Variants in KCNK10 observed in about 807,000 individuals in gnomAD.
The protein encoded by KCNK10 is potassium two pore domain channel subfamily K member 10.
KCNK10 carries 25 observed loss-of-function variants against 47.7 expected under a neutral mutation model. The ratio of observed to expected loss-of-function variants is 0.52; its 90% CI spans 0.38 to 0.73. The LOEUF (loss-of-function observed/expected upper bound fraction) is 0.73. KCNK10 is among the 30% of genes least tolerant of loss of function. The pLI is 0.00. For synonymous variants in KCNK10, 303 were observed against 285.6 expected (o/e 1.06, Z -0.61); for missense variants, 563 against 714.5 (o/e 0.79, Z 2.42).
At position 88,180,782 on chromosome 14, in the gene KCNK10, A is replaced by C; in HGVS notation, c.*4753T>G. On this transcript the variant is annotated 3_prime_UTR_variant, in exon 7 of 7. Transcript: ENST00000319231. ...ACATGGAGTATGGATGGGTTGGTGA[A>C]GTCCAATGAAGGTATGGTGCAGAGA... 5.0e-6 allele frequency: 2 copies of C among 398,802 alleles called. No homozygotes were observed. Among genetic ancestry groups the C allele is most frequent in the Non-Finnish European group, 8.8e-6 (2 of 226,070 alleles). 24.7% of individuals were successfully genotyped at this position (398,802 alleles called of 1,614,324 possible). A position where few individuals can be genotyped will look rare whatever the true frequency, so the allele number is the denominator to read the frequency against.
intron 4 of KCNK10, among the ~76,000 whole-genome samples, chr14:88,226,071 G>A (rs1885974610): frequency 6.6e-6 from 1 of 152,236 alleles, no homozygotes; most frequent in Admixed American, 6.5e-5. Context: ...CTCTTGGAGA[G>A]AAACACAGAA....
chr14:88,227,495 G>C lies in KCNK10; in HGVS notation c.561C>G (p.Ile187Met), dbSNP rs1332035872. 6.2e-7 allele frequency: 1 copy of C among 1,612,878 alleles called. No individual in the cohort carries two copies. Among genetic ancestry groups the C allele is most frequent in the South Asian group, 1.1e-5 (1 of 90,780 alleles). Reference sequence around the variant, plus strand: ...CAAAGATGGCATATAAAATACAAAAGATTTTGCCTCCTTCAGTGCTCGGAG... The same window carrying C: ...CAAAGATGGCATATAAAATACAAAACATTTTGCCTCCTTCAGTGCTCGGAG... Reference protein sequence around the residue: ...NIAPSTEGGKIFCILYAIFGI... With the variant: ...NIAPSTEGGKMFCILYAIFGI... The change falls in exon 4 of 7, where the codon ATC (isoleucine) becomes ATG (methionine). Residue 187 changes from isoleucine (I) to methionine (M), a missense_variant. Ile to Met is a conservative substitution (Grantham distance 10). Coordinates refer to ENST00000319231, the MANE Select transcript of KCNK10 (RefSeq NM_138317.3).
At chr14:88,241,523 C>T (rs547555328) in intron 2 of KCNK10, among the ~76,000 whole-genome samples, 1 of 152,108 alleles carries the variant, frequency 6.6e-6, no homozygotes, top group Non-Finnish European at 1.5e-5. Flanking sequence ...ACACATCGCT[C>T]TTTTTAAAAA....
intron 2 of KCNK10, among the ~76,000 whole-genome samples, chr14:88,261,199 T>C (rs1309930214): frequency 1.3e-5 from 2 of 152,234 alleles, no homozygotes; most frequent in South Asian, 2.1e-4. Context: ...TTCTTCAAGA[T>C]CTTACTGCCT....
chr14:88,281,626 C>G (rs545213683), intron 1 of KCNK10, among the ~76,000 whole-genome samples: 1 of 151,952 alleles, frequency 6.6e-6, no homozygotes, highest in Non-Finnish European at 1.5e-5. Flanking sequence ...ACTATCAGCT[C>G]TCCTGGGTCG....
At chr14:88,212,935 G>A (rs374991028) in intron 4 of KCNK10, among the ~76,000 whole-genome samples, 60 of 152,326 alleles carry the variant, frequency 3.9e-4, no homozygotes, top group African/African-American at 1.3e-3. Flanking sequence ...CTCAGCATGG[G>A]GCTGCACATG....
In KCNK10 at chr14:88,322,890, A is replaced by G. The variant is rs1473273056; in HGVS notation, c.-92T>C. 3 of 1,597,868 alleles carry G rather than the reference A, an allele frequency of 1.9e-6. No individual in the cohort carries two copies. The highest frequency in any genetic ancestry group is 2.7e-5 in the African/African-American group (2 of 74,510). On this transcript the variant is annotated 5_prime_UTR_variant, in exon 1 of 7. Coordinates refer to ENST00000319231, the MANE Select transcript of KCNK10 (RefSeq NM_138317.3). The surrounding 1 kb of genome is among the most constrained non-coding windows in gnomAD (Gnocchi z 4.8). ...CACGCCTCGGTTTAGCAGTCCAACA[A>G]AACAATTTCCGAGGATGGGGGAGCC... is the stretch of plus-strand genomic sequence containing the variant.
At chr14:88,314,944 A>G (rs1351229923) in intron 1 of KCNK10, among the ~76,000 whole-genome samples, 1 of 152,204 alleles carries the variant, frequency 6.6e-6, no homozygotes, top group Non-Finnish European at 1.5e-5. Flanking sequence ...GCCTCTAGTA[A>G]ATCATGCTTG....
chr14:88,278,567 A>G (rs1044696261), intron 1 of KCNK10, among the ~76,000 whole-genome samples: 1 of 152,208 alleles, frequency 6.6e-6, no homozygotes, highest in Non-Finnish European at 1.5e-5. Flanking sequence ...TGTTGATGCA[A>G]GATCTTCGTA....
chr14:88,269,152 C>T (rs540820222), intron 1 of KCNK10, among the ~76,000 whole-genome samples: 7 of 152,150 alleles, frequency 4.6e-5, no homozygotes, highest in Non-Finnish European at 7.3e-5. Flanking sequence ...AAAAAGAATA[C>T]GGCACATATT....
chr14:88,216,118 AT>A, intron 4 of KCNK10, among the ~76,000 whole-genome samples: 1 of 152,276 alleles, frequency 6.6e-6, no homozygotes, highest in African/African-American at 2.4e-5. Context: ...GTCTCCAGGC[AT>A]TTTTGCTTTC....
rs1884340240 is a variant in KCNK10, at chr14:88,181,354, T to TCCTATAGATTCCATTATG, written c.*4180_*4181insCATAATGGAATCTATAGG. 1 of 152,336 alleles carries TCCTATAGATTCCATTATG rather than the reference T, an allele frequency of 6.6e-6. No individual in the cohort carries two copies. Among genetic ancestry groups the TCCTATAGATTCCATTATG allele is most frequent in the Non-Finnish European group, 1.5e-5 (1 of 68,156 alleles). 9.4% of individuals were successfully genotyped at this position (152,336 alleles called of 1,614,324 possible). Reference sequence around the variant, plus strand: ...CTCAACTAGGACTTTAAACATGGAATGGTCCTTATAGAACCCAAAGCAGCC... The same window carrying TCCTATAGATTCCATTATG: ...CTCAACTAGGACTTTAAACATGGAATCCTATAGATTCCATTATGGGTCCTTATAGAACCCAAAGCAGCC... On this transcript the variant is annotated 3_prime_UTR_variant, in exon 7 of 7. Coordinates refer to ENST00000319231, the MANE Select transcript of KCNK10 (RefSeq NM_138317.3).
At chr14:88,287,490 C>T (rs1389231271) in intron 1 of KCNK10, among the ~76,000 whole-genome samples, 1 of 152,138 alleles carries the variant, frequency 6.6e-6, no homozygotes, top group Non-Finnish European at 1.5e-5. Flanking sequence ...TTCACCAAGT[C>T]CCCAAAGTCC....
chr14:88,284,359 A>G (rs1887719192), intron 1 of KCNK10, among the ~76,000 whole-genome samples: 1 of 152,182 alleles, frequency 6.6e-6, no homozygotes, highest in Non-Finnish European at 1.5e-5. Context: ...GACAGAACTA[A>G]TAGGATAGAT....
At chr14:88,241,547 C>T (rs539904969) in intron 2 of KCNK10, among the ~76,000 whole-genome samples, 4 of 152,060 alleles carry the variant, frequency 2.6e-5, no homozygotes, top group Non-Finnish European at 5.9e-5. Flanking sequence ...GCTACAATGA[C>T]TCCTTGATGA....
chr14:88,249,051 T>C (rs1235068847), intron 2 of KCNK10, among the ~76,000 whole-genome samples: 2 of 152,208 alleles, frequency 1.3e-5, no homozygotes, highest in African/African-American at 4.8e-5. Flanking sequence ...AATAGTTCTC[T>C]GTTCACCTTC....
chr14:88,228,853 C>T (rs1429567554), intron 3 of KCNK10, among the ~76,000 whole-genome samples: 1 of 152,144 alleles, frequency 6.6e-6, no homozygotes, highest in Non-Finnish European at 1.5e-5. Flanking sequence ...CTTGTATTTC[C>T]TTTACTCACC....
chr14:88,281,940 T>C (rs1566713799), intron 1 of KCNK10, among the ~76,000 whole-genome samples: 1 of 151,806 alleles, frequency 6.6e-6, no homozygotes, highest in East Asian at 1.9e-4. Context: ...GCAAGTATGA[T>C]TGTAGTTATA....
chr14:88,264,954 C>G (rs763135661), intron 1 of KCNK10, among the ~76,000 whole-genome samples: 1 of 152,138 alleles, frequency 6.6e-6, no homozygotes, highest in Non-Finnish European at 1.5e-5. Flanking sequence ...TTCATTCTGC[C>G]TCATCACTGT....
Sources: gnomAD v4.1 joint callset for allele counts (sites outside exome capture counted in the v4.1 genomes callset) on GRCh38, gnomAD v4.1.1 for gene constraint, Gnocchi (gnomAD v3.1) non-coding constraint, MANE v1.5 for transcripts, NCBI Gene and HGNC (gene_info 2026-07-23, HGNC 2026-07-21) for gene names.